The following GRID2 variants were observed in gnomAD, a reference collection of about 807,000 sequenced individuals.
GRID2 encodes glutamate ionotropic receptor delta type subunit 2.
A neutral mutation model predicts 114.8 loss-of-function variants in GRID2; 33 were observed. That is an observed-to-expected ratio of 0.29 (90% confidence interval 0.22 to 0.38). The LOEUF is 0.38. Among genes scored for constraint, GRID2 ranks in the 10% least tolerant of loss-of-function variants. The probability of loss-of-function intolerance (pLI) is 1.00; values close to 1 mark genes in which losing one functional copy is unlikely to be tolerated. For synonymous variants in GRID2, 505 were observed against 449.9 expected, an observed-to-expected ratio of 1.12 and a Z score of -1.55; for missense variants, 1,184 against 1,257.7, an observed-to-expected ratio of 0.94 and a Z score of 0.89.
chr4:92,324,815 CAT>C (rs1174939488), intron 1 of GRID2, among the ~76,000 whole-genome samples: 4 of 150,762 alleles, frequency 2.7e-5, no homozygotes, highest in African/African-American at 9.7e-5. Flanking sequence ...AATAGTCAAA[CAT>C]AGTTTGTAAT....
intron 14 of GRID2, among the ~76,000 whole-genome samples, chr4:93,687,157 G>C (rs1386055760): frequency 7.2e-5 from 11 of 152,008 alleles, no homozygotes; most frequent in Non-Finnish European, 1.2e-4. Flanking sequence ...ATCTGAGAGA[G>C]AGAGGTTTAT....
chr4:93,560,239 A>AAAAAAAAAAAAAAAAAAAC (rs1734783320), intron 13 of GRID2, among the ~76,000 whole-genome samples: 1 of 150,020 alleles, frequency 6.7e-6, no homozygotes, highest in Non-Finnish European at 1.5e-5. Context: ...AAAAAAAAAA[A>AAAAAAAAAAAAAAAAAAAC]AAAAAAAAAA....
chr4:93,763,793 C>G lies in GRID2; in HGVS notation c.2361-5417C>G, dbSNP rs1317778719. On this transcript the variant is annotated intron_variant, in intron 14 of 15. Coordinates refer to ENST00000282020, the MANE Select transcript of GRID2 (RefSeq NM_001510.4). ...GGGGGAGGAGAAACAGACGGGGAAG[C>G]AATAATGTCTGCAACCTTTCCCATT... Among the ~76,000 whole-genome samples the G allele has an allele frequency of 3.3e-5, 5 of 152,124 alleles. No individual in the cohort carries two copies. In the South Asian group the frequency reaches 6.2e-4, roughly 19 times the overall value.
chr4:92,507,257 T>C (rs2149128451), intron 1 of GRID2, among the ~76,000 whole-genome samples: 1 of 152,082 alleles, frequency 6.6e-6, no homozygotes, highest in African/African-American at 2.4e-5. Flanking sequence ...CCTGCAGGGA[T>C]ATTTCTTTGA....
rs777910257 is a variant in GRID2 at position 93,216,837 on chromosome 4, C to A, written c.889C>A (p.Arg297=). 6.2e-7 allele frequency: 1 copy of A among 1,612,596 alleles called. No homozygotes were observed. Among genetic ancestry groups the A allele is most frequent in the Non-Finnish European group, 8.5e-7 (1 of 1,178,736 alleles). ...TFPVPQNISQ[R]CFRGNHRISS... is the part of the protein sequence containing the mutation. Reference sequence around the variant, plus strand: ...TCCAGTTCCCCAGAACATAAGTCAGCGGTGTTTCCGTGGCAACCATCGAAT... The same window carrying A: ...TCCAGTTCCCCAGAACATAAGTCAGAGGTGTTTCCGTGGCAACCATCGAAT... Residue 297 remains arginine, a synonymous_variant, in exon 6 of 16, where the codon CGG becomes AGG. Coordinates refer to ENST00000282020, the MANE Select transcript of GRID2 (RefSeq NM_001510.4).
intron 8 of GRID2, among the ~76,000 whole-genome samples, chr4:93,356,096 A>C (rs1761306385): frequency 6.6e-6 from 1 of 152,094 alleles, no homozygotes; most frequent in African/African-American, 2.4e-5. Context: ...ATCACATAAA[A>C]TCATAAACAT....
intron 4 of GRID2, among the ~76,000 whole-genome samples, chr4:93,188,040 T>G (rs1740609265): frequency 6.6e-6 from 1 of 150,922 alleles, no homozygotes; most frequent in Admixed American, 6.6e-5. Flanking sequence ...CTCACAGGGT[T>G]TGCGGAATGC....
chr4:92,790,236 A>G (rs1360642045), intron 2 of GRID2, among the ~76,000 whole-genome samples: 3 of 151,812 alleles, frequency 2.0e-5, no homozygotes, highest in East Asian at 3.9e-4. Context: ...TTACAAACCT[A>G]TCTGTCTACT....
intron 1 of GRID2, among the ~76,000 whole-genome samples, chr4:92,506,646 T>A (rs1723986317): frequency 6.6e-6 from 1 of 151,932 alleles, no homozygotes; most frequent in Non-Finnish European, 1.5e-5. Flanking sequence ...CTGGCATGTA[T>A]TCTCACTGTA....
At chr4:93,792,106 AAAT>A (rs1334364844) in intron 1 of GRID2, among the ~76,000 whole-genome samples, 1 of 152,190 alleles carries the variant, frequency 6.6e-6, no homozygotes, top group African/African-American at 2.4e-5. Flanking sequence ...AAAGAAATGG[AAAT>A]ATTTTGTCCA....
chr4:93,633,257 G>A (rs1189977806), intron 14 of GRID2, among the ~76,000 whole-genome samples: 2 of 151,408 alleles, frequency 1.3e-5, no homozygotes, highest in African/African-American at 2.4e-5. Context: ...ATAACTATAA[G>A]AATTTTTTTC....
intron 10 of GRID2, among the ~76,000 whole-genome samples, chr4:93,435,929 C>A (rs190572232): frequency 9.2e-5 from 14 of 151,958 alleles, no homozygotes; most frequent in African/African-American, 3.4e-4. Context: ...TTTAAATTGC[C>A]CCTCTACCTT....
rs562507725 is a variant in GRID2, at chr4:92,388,585, G to T, written c.88+83841G>T. Among the ~76,000 whole-genome samples the T allele has an allele frequency of 3.9e-5, 6 of 152,070 alleles. No individual in the cohort carries two copies. In the East Asian group the frequency reaches 1.2e-3, roughly 29 times the overall value. ...TCTAAGACTCTCATCTTTTATCACA[G>T]GAATTCTGCATTGTTTTCCGAGACT... is the stretch of plus-strand genomic sequence containing the variant. On this transcript the variant is annotated intron_variant, in intron 1 of 15. Transcript: ENST00000282020.
chr4:92,538,027 T>C (rs1447690131), intron 1 of GRID2, among the ~76,000 whole-genome samples: 1 of 152,208 alleles, frequency 6.6e-6, no homozygotes, highest in Non-Finnish European at 1.5e-5. Flanking sequence ...GTAGTCATTA[T>C]GATTCTTGTA....
At chr4:93,548,498 G>T (rs1397619485) in intron 13 of GRID2, among the ~76,000 whole-genome samples, 1 of 152,120 alleles carries the variant, frequency 6.6e-6, no homozygotes, top group Non-Finnish European at 1.5e-5. Context: ...AGATATAGCA[G>T]TTCCTTTGTG....
chr4:92,959,309 G>C (rs77742543), intron 2 of GRID2, among the ~76,000 whole-genome samples: 1 of 151,230 alleles, frequency 6.6e-6, no homozygotes, highest in Admixed American at 6.6e-5. Flanking sequence ...ATCTTTCTTC[G>C]TCTCTATACA....
chr4:93,142,361 C>T (rs1735854628), intron 4 of GRID2, among the ~76,000 whole-genome samples: 1 of 152,098 alleles, frequency 6.6e-6, no homozygotes, highest in African/African-American at 2.4e-5. Flanking sequence ...CTAGGAGGTC[C>T]AAGATCAAGG....
intron 14 of GRID2, among the ~76,000 whole-genome samples, chr4:93,738,527 C>G (rs1731113732): frequency 6.6e-6 from 1 of 151,968 alleles, no homozygotes; most frequent in Non-Finnish European, 1.5e-5. Flanking sequence ...TAGGGGAAGA[C>G]TTAATAAATG....
intron 14 of GRID2, among the ~76,000 whole-genome samples, chr4:93,677,493 C>A (rs1725011292): frequency 1.3e-5 from 2 of 152,146 alleles, no homozygotes; most frequent in African/African-American, 4.8e-5. Flanking sequence ...GGGTCCCTGA[C>A]CCCTGACCCC....
Sources: allele counts gnomAD v4.1 joint callset (sites outside exome capture counted in the v4.1 genomes callset), GRCh38; gene constraint gnomAD v4.1.1; transcripts MANE v1.5; gene names NCBI Gene and HGNC (gene_info 2026-07-23, HGNC 2026-07-21).